The following URGCP variants were observed in gnomAD, a reference collection of about 807,000 sequenced individuals.
URGCP encodes the protein upregulator of cell proliferation.
A neutral mutation model predicts 24.6 loss-of-function variants in URGCP; 13 were observed. The ratio of observed to expected loss-of-function variants is 0.53; its 90% confidence interval spans 0.34 to 0.84. URGCP has a LOEUF of 0.84. URGCP is among the 40% of genes least tolerant of loss of function. The pLI, the probability that URGCP is intolerant of heterozygous loss-of-function variation, is 0.01. For missense variants in URGCP, 899 were observed against 1,194.3 expected, an observed-to-expected ratio of 0.75 and a Z score of 3.64; for synonymous variants, 444 against 487.2, an observed-to-expected ratio of 0.91 and a Z score of 1.17.
intron 5 of URGCP, among the ~76,000 whole-genome samples, chr7:43,880,931 C>T (rs61492689): frequency 0.03 from 4,528 of 152,274 alleles, 247 homozygotes; most frequent in African/African-American, 0.1. Context: ...ACTTTCCATA[C>T]GACCAGCAGG....
intron 3 of URGCP, among the ~76,000 whole-genome samples, chr7:43,885,096 AGTAT>A (rs2095860147): frequency 1.1e-5 from 1 of 90,108 alleles, no homozygotes; most frequent in African/African-American, 4.6e-5. Flanking sequence ...CTGAATGTAT[AGTAT>A]AATTTTTTTT....
At chr7:43,890,213 C>CTTTTT (rs543947365) in intron 1 of URGCP, among the ~76,000 whole-genome samples, 3 of 108,774 alleles carry the variant, frequency 2.8e-5, no homozygotes, top group African/African-American at 7.3e-5. Flanking sequence ...CCACTGGAAA[C>CTTTTT]TTTTTTTTTT....
intron 3 of URGCP, among the ~76,000 whole-genome samples, chr7:43,882,288 C>G (rs2095855120): frequency 6.6e-6 from 1 of 152,136 alleles, no homozygotes; most frequent in African/African-American, 2.4e-5. Flanking sequence ...ACTAAAAATA[C>G]AAAAATTAGC....
At chr7:43,879,528 T>G in intron 5 of URGCP, 1 of 393,542 alleles carries the variant, frequency 2.5e-6, no homozygotes, top group Non-Finnish European at 4.5e-6. Flanking sequence ...ATAAATAAGC[T>G]ACATTTAACA....
In URGCP at chr7:43,878,841, G is replaced by A. The variant is rs367551604; in HGVS notation, c.622C>T (p.Leu208Phe). 53 of 1,614,044 alleles carry A rather than the reference G, an allele frequency of 3.3e-5. No homozygotes were observed. Among genetic ancestry groups the A allele is most frequent in the Admixed American group, 6.7e-5 (4 of 59,980 alleles). ...ACGAGTGGGAGTGCAAACTGGCAGA[G>A]GGCCATTTTCAACGCTATTTCTTGT... ...LQQEIALKMA[L>F]CQFALPLVLP... The change falls in exon 6 of 6, where the codon CTC (leucine) becomes TTC (phenylalanine). Residue 208 changes from leucine to phenylalanine, a missense_variant. Coordinates refer to ENST00000453200, the MANE Select transcript of URGCP (RefSeq NM_001077663.3). The surrounding 1 kb of genome is among the most constrained non-coding windows in gnomAD (Gnocchi z 5.6).
At position 43,878,856 on chromosome 7, in the gene URGCP, C is replaced by A; in HGVS notation, c.607G>T (p.Ala203Ser). The A allele has an allele frequency of 6.2e-7, 1 of 1,614,202 alleles. No individual in the cohort carries two copies. Among genetic ancestry groups the A allele is most frequent in the Non-Finnish European group, 8.5e-7 (1 of 1,180,026 alleles). Residue 203 changes from alanine to serine, a missense_variant, in exon 6 of 6, where the codon GCG becomes TCG. Coordinates refer to ENST00000453200, the MANE Select transcript of URGCP (RefSeq NM_001077663.3). The surrounding 1 kb of genome is among the most constrained non-coding windows in gnomAD (Gnocchi z 5.6). ...SSDSFLQQEI[A>S]LKMALCQFAL... ...AACTGGCAGAGGGCCATTTTCAACG[C>A]TATTTCTTGTTGCAGGAAACTGTCT...
At chr7:43,882,453 C>T (rs2095855364) in intron 3 of URGCP, among the ~76,000 whole-genome samples, 1 of 152,120 alleles carries the variant, frequency 6.6e-6, no homozygotes. Context: ...ATCTCAAAAA[C>T]AAACGAACAA....
At chr7:43,889,536 A>T (rs373710630) in intron 1 of URGCP, 9 of 152,230 alleles carry the variant, frequency 5.9e-5, no homozygotes, top group African/African-American at 2.2e-4. Flanking sequence ...AAAATTACTA[A>T]TATCACCATA....
At chr7:43,901,586 T>C (rs1585823541) in intron 1 of URGCP, among the ~76,000 whole-genome samples, 1 of 152,246 alleles carries the variant, frequency 6.6e-6, no homozygotes, top group East Asian at 1.9e-4. Flanking sequence ...ATAAGGGTCC[T>C]GCTGGACTTC....
At chr7:43,909,650 C>T (rs1008619198), upstream of URGCP, among the ~76,000 whole-genome samples, 6 of 151,950 alleles carry the variant, frequency 3.9e-5, no homozygotes, top group African/African-American at 1.5e-4. Flanking sequence ...TGCTTGAACC[C>T]AGGAGGTGGA....
chr7:43,909,440 T>C (rs1437869427), upstream of URGCP, among the ~76,000 whole-genome samples: 1 of 152,170 alleles, frequency 6.6e-6, no homozygotes, highest in African/African-American at 2.4e-5. Flanking sequence ...AAAACCAGTA[T>C]TTTAGGCCAG....
chr7:43,902,718 C>T (rs183090362), intron 1 of URGCP, among the ~76,000 whole-genome samples: 1 of 152,298 alleles, frequency 6.6e-6, no homozygotes, highest in East Asian at 1.9e-4. Flanking sequence ...TGTATGATGT[C>T]ATCATGTGTT....
At position 43,876,601 on chromosome 7, in the gene URGCP, G is replaced by A. The variant is rs751861534; in HGVS notation, c.*66C>T. The A allele has an allele frequency of 4.0e-5, 62 of 1,533,640 alleles. No individual in the cohort carries two copies. The highest frequency in any genetic ancestry group is 4.9e-5 in the Non-Finnish European group (55 of 1,128,918). Reference sequence around the variant, plus strand: ...CAGGCACCAGAGCACAGCCCCACACGGGTGCCCCATCAGACAGGGCTGCCC... The same window carrying A: ...CAGGCACCAGAGCACAGCCCCACACAGGTGCCCCATCAGACAGGGCTGCCC... On this transcript the variant is annotated 3_prime_UTR_variant, in exon 6 of 6. Coordinates refer to ENST00000453200, the MANE Select transcript of URGCP (RefSeq NM_001077663.3).
chr7:43,881,647 G>T lies in URGCP; in HGVS notation c.202+12C>A. ...TCATAGAACAGAGAGAAAAGGCAGA[G>T]AAAATGCTTACCTGTTGGAAAATCA... On this transcript the variant is annotated intron_variant, in intron 5 of 5. Transcript: ENST00000453200. 1 of 1,614,034 alleles carries T rather than the reference G, an allele frequency of 6.2e-7. No individual in the cohort carries two copies. Among genetic ancestry groups the T allele is most frequent in the Non-Finnish European group, 8.5e-7 (1 of 1,180,012 alleles).
upstream of URGCP, chr7:43,926,451 C>G: frequency 7.9e-7 from 1 of 1,266,346 alleles, no homozygotes; most frequent in African/African-American, 1.6e-5. Context: ...TCCCGGCGTG[C>G]AGCTTGGTGG....
chr7:43,883,644 A>C (rs1193708011), intron 3 of URGCP, among the ~76,000 whole-genome samples: 2 of 152,118 alleles, frequency 1.3e-5, no homozygotes, highest in African/African-American at 4.8e-5. Flanking sequence ...TACAGGCGTG[A>C]GCCACCTTGC....
rs148369032 is a variant in URGCP, at chr7:43,882,533, G to C, written c.113-576C>G. Among the ~76,000 whole-genome samples the C allele has an allele frequency of 3.2e-3, 493 of 151,936 alleles. 3 individuals carry two copies. The highest frequency in any genetic ancestry group is 0.011 in the African/African-American group (467 of 41,482). ...TGAGGCAGGAGGATTACTTGAGCCT[G>C]GGAGGTCAAGGCTGCAGTGAGCTGT... On this transcript the variant is annotated intron_variant, in intron 3 of 5. Transcript: ENST00000453200.
chr7:43,895,703 G>T (rs1158844718), intron 1 of URGCP, among the ~76,000 whole-genome samples: 1 of 152,142 alleles, frequency 6.6e-6, no homozygotes, highest in Non-Finnish European at 1.5e-5. Flanking sequence ...AACCAATGCT[G>T]GTAAGGATGT....
intron 1 of URGCP, among the ~76,000 whole-genome samples, chr7:43,917,571 T>C (rs1189010303): frequency 6.6e-6 from 1 of 152,244 alleles, no homozygotes; most frequent in Admixed American, 6.5e-5. Context: ...GAGTCCTTTC[T>C]GGCTTGATAT....
Sources: allele counts gnomAD v4.1 joint callset (sites outside exome capture counted in the v4.1 genomes callset), GRCh38; gene constraint gnomAD v4.1.1; non-coding constraint Gnocchi (gnomAD v3.1); transcripts MANE v1.5; gene names NCBI Gene and HGNC (gene_info 2026-07-23, HGNC 2026-07-21).